The following XPNPEP1 variants were observed in gnomAD, a reference collection of about 807,000 sequenced individuals.
XPNPEP1 encodes xaa-Pro aminopeptidase 1.
Under a neutral mutation model 92.4 loss-of-function variants are expected in XPNPEP1, and 39 were observed. The observed-to-expected ratio is 0.42, with a 90% CI of 0.33 to 0.55. The LOEUF is 0.55. XPNPEP1 is among the 20% of genes least tolerant of loss of function. The pLI is 0.08. For synonymous variants in XPNPEP1, 307 were observed against 299.4 expected, an observed-to-expected ratio of 1.03 and a Z score of -0.26; for missense variants, 654 against 856.1, an observed-to-expected ratio of 0.76 and a Z score of 2.95.
intron 2 of XPNPEP1, among the ~76,000 whole-genome samples, chr10:109,909,553 A>T (rs1383411094): frequency 1.8e-4 from 27 of 152,226 alleles, no homozygotes; most frequent in Admixed American, 1.8e-3. Flanking sequence ...ATACAAGCTG[A>T]CTTAACCACT....
At chr10:109,905,668 C>T (rs1019602598) in intron 3 of XPNPEP1, among the ~76,000 whole-genome samples, 4 of 152,162 alleles carry the variant, frequency 2.6e-5, no homozygotes, top group Non-Finnish European at 5.9e-5. Context: ...GTAGTTAACA[C>T]TACAGTATTG....
At chr10:109,876,648 A>C (rs962314712) in intron 14 of XPNPEP1, 6 of 152,278 alleles carry the variant, frequency 3.9e-5, no homozygotes, top group African/African-American at 1.4e-4. Context: ...TGTCTCCCAC[A>C]CACAGCTTCA....
At chr10:109,882,880 C>G (rs1848184599) in intron 9 of XPNPEP1, among the ~76,000 whole-genome samples, 1 of 152,134 alleles carries the variant, frequency 6.6e-6, no homozygotes, top group Admixed American at 6.5e-5. Context: ...ACCCTCTTCC[C>G]GTCCTTCATT....
At chr10:109,882,776 C>G (rs1848178133) in intron 9 of XPNPEP1, 134 bp from the exon 10 acceptor site, 5 of 932,800 alleles carry the variant, frequency 5.4e-6, no homozygotes, top group Non-Finnish European at 8.0e-6. Flanking sequence ...CTCCCCACTC[C>G]TTTCCCAAAT....
chr10:109,866,051 G>C (rs184393283), intron 20 of XPNPEP1, among the ~76,000 whole-genome samples: 17 of 150,412 alleles, frequency 1.1e-4, no homozygotes, highest in Middle Eastern at 3.4e-3. Context: ...GAAGTCTGGA[G>C]TGAAGCAGGT....
At chr10:109,880,336 G>A (rs917056006) in intron 11 of XPNPEP1, 98 bp from the exon 12 acceptor site, 69 of 1,245,122 alleles carry the variant, frequency 5.5e-5, no homozygotes, top group Non-Finnish European at 7.9e-5. Context: ...GGCTGTACCT[G>A]CAGGGCCACA....
intron 7 of XPNPEP1, among the ~76,000 whole-genome samples, chr10:109,887,749 G>A (rs1228009971): frequency 6.6e-6 from 1 of 152,176 alleles, no homozygotes; most frequent in Non-Finnish European, 1.5e-5. Context: ...TATCAAATAC[G>A]TTCGAGTGGC....
intron 12 of XPNPEP1, among the ~76,000 whole-genome samples, chr10:109,879,777 A>G (rs1847989643): frequency 6.6e-6 from 1 of 152,168 alleles, no homozygotes; most frequent in Non-Finnish European, 1.5e-5. Flanking sequence ...CTAGAGCAAG[A>G]AATTAATGGC....
Position 109,907,722 on chromosome 10 carries a change from G to A in XPNPEP1, c.215C>T (p.Ala72Val), listed in dbSNP as rs532031977. The change falls in exon 3 of 21, where the codon GCC becomes GTC. Residue 72 changes from alanine (A) to valine (V), a missense_variant. Coordinates refer to ENST00000502935, the MANE Select transcript of XPNPEP1 (RefSeq NM_020383.4). ...NSEYVTEPIQAYIIPSGDAHQ... is the reference protein window; with the variant it reads ...NSEYVTEPIQVYIIPSGDAHQ... The stretch of plus-strand genomic sequence containing the variant: ...AGCATCTCCCGATGGGATGATGTAG[G>A]CCTGGATCGGTTCGGTCACATACTC... The A allele has an allele frequency of 6.2e-7, 1 of 1,614,220 alleles. No individual in the cohort carries two copies. The highest frequency in any genetic ancestry group is 1.7e-4 in the Middle Eastern group (1 of 6,058).
At chr10:109,922,966 G>A (rs144644801) in intron 1 of XPNPEP1, among the ~76,000 whole-genome samples, 160 of 152,322 alleles carry the variant, frequency 1.1e-3, no homozygotes, top group African/African-American at 3.6e-3. Flanking sequence ...AATTGCAGGA[G>A]TCAGTATTGT....
intron 20 of XPNPEP1, among the ~76,000 whole-genome samples, chr10:109,865,845 C>T (rs755046905): frequency 9.2e-5 from 14 of 152,176 alleles, no homozygotes; most frequent in Admixed American, 5.2e-4. Context: ...AGCAGAATGG[C>T]GCTGGGAGTA....
intron 7 of XPNPEP1, 122 bp from the exon 8 acceptor site, chr10:109,886,463 A>C: frequency 2.3e-6 from 2 of 883,544 alleles, no homozygotes; most frequent in Non-Finnish European, 3.5e-6. Context: ...ACGCTACTTA[A>C]ACAGGCAGGA....
chr10:109,875,001 T>A (rs577347376), intron 15 of XPNPEP1, among the ~76,000 whole-genome samples: 1 of 152,288 alleles, frequency 6.6e-6, no homozygotes, highest in African/African-American at 2.4e-5. Context: ...CTATTCTTAC[T>A]CCTTCTTTTG....
chr10:109,871,969 T>C (rs1847509925), intron 16 of XPNPEP1, 108 bp from the exon 17 acceptor site: 4 of 1,120,506 alleles, frequency 3.6e-6, no homozygotes, highest in South Asian at 1.6e-5. Flanking sequence ...AGCAATATCA[T>C]AGAGAAAATG....
chr10:109,884,206 T>C (rs1589573172), intron 8 of XPNPEP1, 58 bp from the exon 9 acceptor site: 2 of 1,551,724 alleles, frequency 1.3e-6, no homozygotes. Flanking sequence ...AAGGGGTCGC[T>C]TGTAGCGGGA....
intron 4 of XPNPEP1, among the ~76,000 whole-genome samples, chr10:109,892,144 G>T (rs906143433): frequency 6.6e-6 from 1 of 152,164 alleles, no homozygotes; most frequent in Non-Finnish European, 1.5e-5. Context: ...AAGTGGTCTC[G>T]TATAATCAAC....
At chr10:109,866,397 G>A (rs1298778240) in intron 20 of XPNPEP1, among the ~76,000 whole-genome samples, 1 of 152,170 alleles carries the variant, frequency 6.6e-6, no homozygotes, top group African/African-American at 2.4e-5. Context: ...GGGAAGTGAT[G>A]GGGGCAGGGG....
chr10:109,902,767 T>C (rs1849352994), intron 3 of XPNPEP1, among the ~76,000 whole-genome samples: 1 of 152,254 alleles, frequency 6.6e-6, no homozygotes, highest in East Asian at 1.9e-4. Context: ...ATACATTTTG[T>C]ATTTTCAGGA....
intron 7 of XPNPEP1, among the ~76,000 whole-genome samples, chr10:109,887,340 C>CA (rs1564764788): frequency 6.6e-6 from 1 of 152,216 alleles, no homozygotes; most frequent in Non-Finnish European, 1.5e-5. Flanking sequence ...GCTGCCCCCA[C>CA]ACCCAGGGCT....
Sources: allele counts gnomAD v4.1 joint callset (sites outside exome capture counted in the v4.1 genomes callset), GRCh38; gene constraint gnomAD v4.1.1; transcripts MANE v1.5; gene names NCBI Gene and HGNC (gene_info 2026-07-23, HGNC 2026-07-21).